Variants in RPP14 observed in about 807,000 individuals in gnomAD.
RPP14 encodes ribonuclease P protein subunit p14.
Under a neutral mutation model 17.8 loss-of-function variants are expected in RPP14, and 19 were observed. The ratio of observed to expected loss-of-function variants is 1.07; its 90% confidence interval spans 0.74 to 1.57. The LOEUF is 1.57. RPP14 is among the 40% of genes most tolerant of loss of function. RPP14 has a pLI of 0.00. For synonymous variants in RPP14, 60 were observed against 56.4 expected (o/e 1.06, Z -0.29); for missense variants, 125 against 140.8 (o/e 0.89, Z 0.57).
chr3:58,317,116 G>A, intron 5 of RPP14, 123 bp downstream of exon 5: 1 of 693,646 alleles, frequency 1.4e-6, no homozygotes, highest in Admixed American at 2.9e-5. Flanking sequence ...CTAAGTAGGG[G>A]AAAATAAAGG....
intron 1 of RPP14, among the ~76,000 whole-genome samples, chr3:58,309,012 G>T (rs182113358): frequency 2.6e-5 from 4 of 152,328 alleles, no homozygotes; most frequent in African/African-American, 7.2e-5. Context: ...TGCATTGAGT[G>T]CCCCTTCCAG....
Position 58,317,436 on chromosome 3 carries a change from C to T in RPP14, c.319-4C>T, listed in dbSNP as rs1365765487. ...ATGCCTTAACCTTTTTCTTTCTCTTCTAGGTTTCTCCATTTCTTCTTGCAT... is the reference window on the plus strand; with the variant it reads ...ATGCCTTAACCTTTTTCTTTCTCTTTTAGGTTTCTCCATTTCTTCTTGCAT... On this transcript the variant is annotated splice_polypyrimidine_tract_variant and splice_region_variant and intron_variant, in intron 5 of 5. Transcript: ENST00000295959. 2 of 1,588,552 alleles carry T rather than the reference C, an allele frequency of 1.3e-6. No homozygotes were observed. The highest frequency in any genetic ancestry group is 1.7e-6 in the Non-Finnish European group (2 of 1,158,720).
At chr3:58,315,201 C>T (rs1168301670) in intron 3 of RPP14, among the ~76,000 whole-genome samples, 2 of 152,078 alleles carry the variant, frequency 1.3e-5, no homozygotes, top group Non-Finnish European at 2.9e-5. Context: ...ATGGAATATA[C>T]TCGACAGTGA....
chr3:58,311,471 T>G (rs1194622478), intron 3 of RPP14, among the ~76,000 whole-genome samples: 1 of 152,160 alleles, frequency 6.6e-6, no homozygotes, highest in African/African-American at 2.4e-5. Flanking sequence ...CTTTTTTAGC[T>G]CTCACATATG....
rs1460435430 is a variant in RPP14 at position 58,309,759 on chromosome 3, G to T, written c.-21-550G>T. ...ACAAAAAAGGTAGCCGGGCGTGGTA[G>T]CACATTCCTATAATCCCAGCTACTC... On this transcript the variant is annotated intron_variant, in intron 1 of 5. Transcript: ENST00000295959. Among the ~76,000 whole-genome samples the T allele has an allele frequency of 2.0e-5, 3 of 152,252 alleles. No individual in the cohort carries two copies. In the East Asian group the frequency reaches 5.8e-4, roughly 29 times the overall value.
At chr3:58,316,301 T>C (rs1193362132) in intron 3 of RPP14, among the ~76,000 whole-genome samples, 4 of 152,160 alleles carry the variant, frequency 2.6e-5, no homozygotes, top group African/African-American at 9.7e-5. Flanking sequence ...AAATGAAGGC[T>C]CAAAGGATGA....
At chr3:58,311,317 A>G (rs1313318863) in intron 3 of RPP14, among the ~76,000 whole-genome samples, 4 of 152,112 alleles carry the variant, frequency 2.6e-5, no homozygotes, top group East Asian at 3.9e-4. Context: ...ACCATGCCCA[A>G]CTAATTTTTG....
chr3:58,314,927 C>T (rs542492938), intron 3 of RPP14, among the ~76,000 whole-genome samples: 3 of 152,044 alleles, frequency 2.0e-5, no homozygotes, highest in Admixed American at 6.6e-5. Context: ...CCTTGTGATC[C>T]GCCTGCCTTG....
chr3:58,317,343 A>C, intron 5 of RPP14, 97 bp from the exon 6 acceptor site: 1 of 788,638 alleles, frequency 1.3e-6, no homozygotes, highest in Non-Finnish European at 2.1e-6. Flanking sequence ...CTCCTGCATC[A>C]GCTTTGTTTA....
Position 58,310,592 on chromosome 3 carries a change from G to A in RPP14, c.162+1G>A. The A allele has an allele frequency of 6.2e-7, 1 of 1,609,152 alleles. No individual in the cohort carries two copies. The highest frequency in any genetic ancestry group is 1.1e-5 in the South Asian group (1 of 90,716). On this transcript the variant is annotated splice_donor_variant, in intron 3 of 5. Coordinates refer to ENST00000295959, the MANE Select transcript of RPP14 (RefSeq NM_007042.6). LOFTEE classifies it high-confidence loss of function. ...GGCTGTGAAGGACCTGTTTGGGGAGGTATGGAATCACTTGGTAGATTGAAC... is the reference window on the plus strand; with the variant it reads ...GGCTGTGAAGGACCTGTTTGGGGAGATATGGAATCACTTGGTAGATTGAAC...
intron 3 of RPP14, among the ~76,000 whole-genome samples, chr3:58,315,037 C>CT (rs1687904972): frequency 6.6e-6 from 1 of 152,110 alleles, no homozygotes; most frequent in Admixed American, 6.6e-5. Flanking sequence ...CCAGCATTAG[C>CT]ACTCCTGGGC....
intron 3 of RPP14, among the ~76,000 whole-genome samples, chr3:58,314,235 C>A (rs909241899): frequency 6.6e-6 from 1 of 152,166 alleles, no homozygotes; most frequent in Non-Finnish European, 1.5e-5. Context: ...CCTGTAACCC[C>A]AGCTACTCGG....
intron 3 of RPP14, chr3:58,315,935 C>T (rs1279576850): frequency 6.6e-6 from 1 of 152,324 alleles, no homozygotes; most frequent in Non-Finnish European, 1.5e-5. Context: ...CTTGGCCTCC[C>T]AAAGTGCCGG....
chr3:58,316,933 G>A lies in RPP14; in HGVS notation c.258G>A (p.Trp86Ter), dbSNP rs1408697599. ...TCTGCAGTGGTCTTGTCAAATTGTG[G>A]AGCTCTTTGACCCTGTTAGGATCCT... ...RICSSGLVKLWSSLTLLGSYK... is the reference protein window; with the variant it reads ...RICSSGLVKL The change falls in exon 5 of 6, where the codon TGG (tryptophan) becomes TGA (stop). Residue 86 changes from tryptophan (W) to a stop codon, truncating the protein, a stop_gained. Coordinates refer to ENST00000295959, the MANE Select transcript of RPP14 (RefSeq NM_007042.6). LOFTEE classifies it high-confidence loss of function. 1 of 1,613,580 alleles carries A rather than the reference G, an allele frequency of 6.2e-7. No individual in the cohort carries two copies.
At chr3:58,311,428 A>T (rs2097482132) in intron 3 of RPP14, among the ~76,000 whole-genome samples, 1 of 152,172 alleles carries the variant, frequency 6.6e-6, no homozygotes, top group Non-Finnish European at 1.5e-5. Flanking sequence ...GTGCTGGATT[A>T]CAGGCACGAG....
intron 1 of RPP14, among the ~76,000 whole-genome samples, chr3:58,309,496 AG>A (rs1221528753): frequency 1.3e-5 from 2 of 152,264 alleles, no homozygotes; most frequent in Non-Finnish European, 2.9e-5. Flanking sequence ...GTAAGAGTAC[AG>A]TGATTTGACA....
In RPP14 at chr3:58,316,522, C is replaced by T. The variant is rs138279187; in HGVS notation, c.170C>T (p.Ala57Val). The part of the protein sequence containing the change: ...AVKDLFGEVD[A>V]ALPLDILTYE... ...GCATTATTCCATATGCAGGTTGATG[C>T]CGCCTTACCTTTGGACATCCTAACC... The change falls in exon 4 of 6, where the codon GCC becomes GTC. Residue 57 changes from alanine (A) to valine (V), a missense_variant. Transcript: ENST00000295959. The T allele has an allele frequency of 1.2e-3, 1,944 of 1,613,642 alleles. 1 individual carries two copies. The highest frequency in any genetic ancestry group is 1.5e-3 in the Non-Finnish European group (1,807 of 1,179,584).
chr3:58,314,419 G>A (rs1266691273), intron 3 of RPP14, among the ~76,000 whole-genome samples: 3 of 152,114 alleles, frequency 2.0e-5, no homozygotes, highest in Non-Finnish European at 4.4e-5. Context: ...ATTAGAAAAT[G>A]GGCAAAAACA....
rs551057358 is a variant in RPP14, at chr3:58,314,504, A to G, written c.163-2011A>G. On this transcript the variant is annotated intron_variant, in intron 3 of 5. Coordinates refer to ENST00000295959, the MANE Select transcript of RPP14 (RefSeq NM_007042.6). ...GGAAAGATGTTTAACATTAGCCATT[A>G]GGGAAATGCACATTAATGACACAAT... is the stretch of plus-strand genomic sequence containing the variant. Among the ~76,000 whole-genome samples, 6 of 152,306 alleles carry G rather than the reference A, an allele frequency of 3.9e-5. 1 individual carries two copies. In the South Asian group the frequency reaches 1.2e-3, roughly 32 times the overall value.
Sources: allele counts gnomAD v4.1 joint callset (sites outside exome capture counted in the v4.1 genomes callset), GRCh38; gene constraint gnomAD v4.1.1; transcripts MANE v1.5; gene names NCBI Gene and HGNC (gene_info 2026-07-23, HGNC 2026-07-21).